Variants in SLC28A1 observed in about 807,000 individuals in gnomAD.
SLC28A1 encodes the protein sodium/nucleoside cotransporter 1.
In SLC28A1, 64 loss-of-function variants were observed where a neutral mutation model predicts 74.8. That is an observed-to-expected ratio of 0.86 (90% CI 0.70 to 1.05). The LOEUF (loss-of-function observed/expected upper bound fraction) is 1.05. Among genes scored for constraint, SLC28A1 ranks in the 50% least tolerant of loss-of-function variants. The pLI is 0.00. For missense variants in SLC28A1, 828 were observed against 822.8 expected (o/e 1.01, Z -0.08); for synonymous variants, 359 against 335.0 (o/e 1.07, Z -0.78).
chr15:84,915,003 C>G (rs552694453), intron 9 of SLC28A1, among the ~76,000 whole-genome samples: 12 of 152,286 alleles, frequency 7.9e-5, no homozygotes, highest in South Asian at 2.1e-4. Flanking sequence ...CCTGATGCCC[C>G]GGGCACTCTC....
chr15:84,911,140 A>G (rs925905161), intron 9 of SLC28A1, among the ~76,000 whole-genome samples: 2 of 151,904 alleles, frequency 1.3e-5, no homozygotes, highest in African/African-American at 4.8e-5. Flanking sequence ...TCCCCCGCCC[A>G]CCACTGGCCC....
At chr15:84,928,307 ACCTT>A (rs1970735628) in intron 12 of SLC28A1, among the ~76,000 whole-genome samples, 1 of 151,290 alleles carries the variant, frequency 6.6e-6, no homozygotes, top group Admixed American at 6.6e-5. Context: ...TAACAAACAA[ACCTT>A]CCTTCCCTTC....
At chr15:84,909,926 G>T (rs764754562) in intron 9 of SLC28A1, among the ~76,000 whole-genome samples, 11 of 152,324 alleles carry the variant, frequency 7.2e-5, no homozygotes, top group Middle Eastern at 3.4e-3. Context: ...CCCTGCTGGG[G>T]GTCTTGGACC....
chr15:84,932,745 G>A lies in SLC28A1; in HGVS notation c.1084-400G>A, dbSNP rs181812977. On this transcript the variant is annotated intron_variant, in intron 12 of 18. Transcript: ENST00000394573. ...CACTAAGGGGGAAACCTCAGCTAAC[G>A]GGGATTAGTGGTCAACAGTGACAGC... Among the ~76,000 whole-genome samples the A allele has an allele frequency of 3.2e-4, 48 of 152,312 alleles. No individual in the cohort carries two copies. The East Asian group carries it at 8.5e-3, about 27-fold the overall frequency.
intron 4 of SLC28A1, 61 bp downstream of exon 4, chr15:84,888,921 G>C: frequency 1.7e-6 from 2 of 1,197,166 alleles, no homozygotes; most frequent in Non-Finnish European, 2.4e-6. Context: ...GGAACAGGAT[G>C]GGGAGCCGGG....
chr15:84,949,565 ATTTTTTTT>A (rs11318236), downstream of SLC28A1, among the ~76,000 whole-genome samples: 1 of 103,884 alleles, frequency 9.6e-6, no homozygotes, highest in Non-Finnish European at 1.9e-5. Flanking sequence ...TGCCCGGCTA[ATTTTTTTT>A]TTTTTTTTTT....
In SLC28A1 at chr15:84,918,506, T is replaced by C. The variant is rs377751329; in HGVS notation, c.796-18T>C. 1.6e-5 allele frequency: 25 copies of C among 1,609,266 alleles called. No individual in the cohort carries two copies. In the African/African-American group the frequency reaches 2.7e-4, roughly 17 times the overall value. ...TGCCTGCCTCTAACCTGCGGTCCTA[T>C]GATCTCCTTCCCGGCAGGTTCTGCC... On this transcript the variant is annotated intron_variant, in intron 9 of 18. Coordinates refer to ENST00000394573, the MANE Select transcript of SLC28A1 (RefSeq NM_004213.5).
Position 84,935,962 on chromosome 15 carries a change from T to G in SLC28A1, c.1581+444T>G, listed in dbSNP as rs1447160603. On this transcript the variant is annotated intron_variant, in intron 15 of 18. Transcript: ENST00000394573. ...TTGGTTTGGTTTTTGTTTTTTTTTT[T>G]TTTTTTTTTTGAGACGGAGTCTCAC... Among the ~76,000 whole-genome samples the G allele has an allele frequency of 3.5e-4, 50 of 141,514 alleles. 2 individuals carry two copies. Among genetic ancestry groups the G allele is most frequent in the East Asian group, 9.9e-4 (5 of 5,060 alleles). 92.8% of individuals were successfully genotyped at this position (141,514 alleles called of 152,430 possible).
chr15:84,962,017 C>T, the SLC28A1 span, among the ~76,000 whole-genome samples: 11 of 152,130 alleles, frequency 7.2e-5, no homozygotes, highest in African/African-American at 1.2e-4. Flanking sequence ...TAAAAGCTAT[C>T]GGAAGTTGGT....
chr15:84,957,015 TG>T, the SLC28A1 span, among the ~76,000 whole-genome samples: 2 of 152,138 alleles, frequency 1.3e-5, no homozygotes, highest in South Asian at 2.1e-4. Flanking sequence ...TTTTTGTTTT[TG>T]TTGCTTAGAT....
At chr15:84,943,758 ATC>A (rs750152943) in intron 16 of SLC28A1, among the ~76,000 whole-genome samples, 7 of 152,060 alleles carry the variant, frequency 4.6e-5, no homozygotes, top group Non-Finnish European at 1.0e-4. Context: ...GCAAAACTCT[ATC>A]TCTACTAAAA....
At chr15:84,924,136 G>C in intron 12 of SLC28A1, 26 bp downstream of exon 12, 1 of 1,607,692 alleles carries the variant, frequency 6.2e-7, no homozygotes, top group East Asian at 2.2e-5. Context: ...CTTCTGCTTG[G>C]CTATGTTGAG....
the SLC28A1 span, among the ~76,000 whole-genome samples, chr15:84,973,391 C>A: frequency 6.6e-6 from 1 of 152,168 alleles, no homozygotes; most frequent in Non-Finnish European, 1.5e-5. Context: ...TGTCTCTATC[C>A]GGGGCTCAAC....
chr15:84,895,336 T>C (rs770216954), intron 6 of SLC28A1: 2 of 1,613,536 alleles, frequency 1.2e-6, no homozygotes, highest in Non-Finnish European at 1.7e-6. Flanking sequence ...AGCAGGTGAC[T>C]GTGGTGGACG....
At chr15:84,913,145 T>C (rs1018616298) in intron 9 of SLC28A1, among the ~76,000 whole-genome samples, 2 of 152,282 alleles carry the variant, frequency 1.3e-5, no homozygotes, top group African/African-American at 4.8e-5. Flanking sequence ...ACTCTGGACT[T>C]GGAGATGAGT....
At chr15:84,923,916 G>T in intron 11 of SLC28A1, 69 bp from the exon 12 acceptor site, 1 of 1,607,164 alleles carries the variant, frequency 6.2e-7, no homozygotes, top group Non-Finnish European at 8.5e-7. Flanking sequence ...TGCTCACTGT[G>T]ACCTGTGAAG....
chr15:84,908,035 G>A (rs1384090203), intron 8 of SLC28A1, among the ~76,000 whole-genome samples: 2 of 152,184 alleles, frequency 1.3e-5, no homozygotes, highest in African/African-American at 2.4e-5. Context: ...CCACAAGCCC[G>A]GGATGGGGAC....
chr15:84,919,204 G>C (rs1969509390), intron 10 of SLC28A1, among the ~76,000 whole-genome samples: 1 of 152,210 alleles, frequency 6.6e-6, no homozygotes, highest in Non-Finnish European at 1.5e-5. Flanking sequence ...GCCAGACTTA[G>C]CTGGTATAAA....
the SLC28A1 span, among the ~76,000 whole-genome samples, chr15:84,964,916 G>T: frequency 6.6e-6 from 1 of 152,228 alleles, no homozygotes; most frequent in Non-Finnish European, 1.5e-5. Context: ...CAACATAGGA[G>T]CAGGAGGGAA....
Sources: allele counts gnomAD v4.1 joint callset (sites outside exome capture counted in the v4.1 genomes callset), GRCh38; gene constraint gnomAD v4.1.1; transcripts MANE v1.5; gene names NCBI Gene and HGNC (gene_info 2026-07-23, HGNC 2026-07-21).